The following OSBPL8 variants were observed in gnomAD, a reference collection of about 807,000 sequenced individuals.
OSBPL8 encodes the protein oxysterol-binding protein-related protein 8.
In OSBPL8, 59 loss-of-function variants were observed where a neutral mutation model predicts 125.5. The ratio of observed to expected loss-of-function variants is 0.47; its 90% CI spans 0.38 to 0.58. OSBPL8 has a LOEUF of 0.58. Ranked by LOEUF, OSBPL8 falls within the 20% of genes least tolerant of loss-of-function variation. The pLI is 0.00. For missense variants in OSBPL8, 758 were observed against 1,047.8 expected (o/e 0.72, Z 3.82); for synonymous variants, 330 against 338.9 (o/e 0.97, Z 0.29).
chr12:76,359,650 C>T (rs1404154985), intron 21 of OSBPL8, among the ~76,000 whole-genome samples: 2 of 152,174 alleles, frequency 1.3e-5, no homozygotes, highest in Non-Finnish European at 2.9e-5. Flanking sequence ...TATGGTTCCA[C>T]ATGTCTGCAG....
intron 1 of OSBPL8, among the ~76,000 whole-genome samples, chr12:76,544,823 T>C (rs565935909): frequency 6.6e-6 from 1 of 152,138 alleles, no homozygotes; most frequent in South Asian, 2.1e-4. Context: ...CTGAACATGT[T>C]ACTTAAACAC....
chr12:76,514,426 C>G (rs1194552748), intron 1 of OSBPL8, among the ~76,000 whole-genome samples: 2 of 145,516 alleles, frequency 1.4e-5, no homozygotes, highest in Non-Finnish European at 3.1e-5. Flanking sequence ...GCTGGGATTA[C>G]AAGCATGAGC....
At chr12:76,485,190 T>C (rs1349837531) in intron 2 of OSBPL8, among the ~76,000 whole-genome samples, 1 of 152,046 alleles carries the variant, frequency 6.6e-6, no homozygotes, top group Non-Finnish European at 1.5e-5. Context: ...CCCAAAGTGC[T>C]GGGATTACAG....
intron 4 of OSBPL8, among the ~76,000 whole-genome samples, chr12:76,429,482 C>T (rs1321935026): frequency 6.6e-6 from 1 of 151,802 alleles, no homozygotes; most frequent in Non-Finnish European, 1.5e-5. Flanking sequence ...ATACGAAATG[C>T]TTAGGTTTCA....
intron 22 of OSBPL8, among the ~76,000 whole-genome samples, chr12:76,357,050 T>C (rs1168952064): frequency 6.6e-6 from 1 of 152,232 alleles, no homozygotes; most frequent in Non-Finnish European, 1.5e-5. Context: ...CCCATTTGCC[T>C]ACCTCTGAAG....
At chr12:76,391,497 TA>T (rs1193756306) in intron 10 of OSBPL8, among the ~76,000 whole-genome samples, 3 of 151,496 alleles carry the variant, frequency 2.0e-5, no homozygotes, top group Non-Finnish European at 4.4e-5. Context: ...AGAAATAACA[TA>T]AAAGGTCAGG....
At chr12:76,483,025 G>C (rs186514182) in intron 2 of OSBPL8, among the ~76,000 whole-genome samples, 1 of 152,160 alleles carries the variant, frequency 6.6e-6, no homozygotes, top group Non-Finnish European at 1.5e-5. Flanking sequence ...ACTTTAGGAG[G>C]CCGAGGCAGG....
At chr12:76,512,697 A>G (rs1344617689) in intron 1 of OSBPL8, among the ~76,000 whole-genome samples, 1 of 152,186 alleles carries the variant, frequency 6.6e-6, no homozygotes, top group African/African-American at 2.4e-5. Context: ...GAATTTTAAA[A>G]TAGTTTTTTT....
intron 9 of OSBPL8, among the ~76,000 whole-genome samples, chr12:76,393,710 CAAAAAAAA>C (rs11423585): frequency 0.079 from 4,108 of 52,296 alleles, 327 homozygotes; most frequent in African/African-American, 0.26. Context: ...GACTCCGTTT[CAAAAAAAA>C]AAAAAAAAAA....
chr12:76,366,132 AT>A (rs1317149354), intron 21 of OSBPL8, among the ~76,000 whole-genome samples: 1 of 152,118 alleles, frequency 6.6e-6, no homozygotes, highest in Non-Finnish European at 1.5e-5. Flanking sequence ...CATCTCTTCT[AT>A]TTTTTAGAGT....
chr12:76,402,724 T>A lies in OSBPL8; in HGVS notation c.331A>T (p.Thr111Ser). 6.2e-7 allele frequency: 1 copy of A among 1,609,074 alleles called. No individual in the cohort carries two copies. The highest frequency in any genetic ancestry group is 8.5e-7 in the Non-Finnish European group (1 of 1,175,828). The change falls in exon 6 of 24, where the codon ACT (threonine) becomes TCT (serine). Residue 111 changes from threonine to serine, a missense_variant. Physicochemically the swap from Thr to Ser is moderately conservative, Grantham distance 58. Transcript: ENST00000261183. The stretch of plus-strand genomic sequence containing the variant: ...TCTTTTTTTGTGAGTTTGCTTGAAG[T>A]TGAACTGTCCTTCTCTGAGCCATTA... ...LYNGSEKDSSTSSKLTKKESL... is the reference protein window; with the variant it reads ...LYNGSEKDSSSSSKLTKKESL...
At chr12:76,537,587 G>C (rs1950533312) in intron 1 of OSBPL8, among the ~76,000 whole-genome samples, 1 of 152,118 alleles carries the variant, frequency 6.6e-6, no homozygotes, top group Non-Finnish European at 1.5e-5. Flanking sequence ...TGTACGATGA[G>C]AGAGATTCAC....
At chr12:76,444,994 T>C (rs529468837) in intron 4 of OSBPL8, among the ~76,000 whole-genome samples, 11 of 152,280 alleles carry the variant, frequency 7.2e-5, no homozygotes, top group Non-Finnish European at 1.5e-4. Context: ...TCATATTATT[T>C]CCCTCAGAGA....
intron 4 of OSBPL8, among the ~76,000 whole-genome samples, chr12:76,444,639 A>G (rs969132944): frequency 6.6e-6 from 1 of 152,214 alleles, no homozygotes; most frequent in East Asian, 1.9e-4. Flanking sequence ...CTTGACTACC[A>G]AAGATATGGA....
At chr12:76,532,036 C>CAAAA (rs56122052) in intron 1 of OSBPL8, among the ~76,000 whole-genome samples, 6 of 89,992 alleles carry the variant, frequency 6.7e-5, no homozygotes, top group African/African-American at 1.6e-4. Flanking sequence ...GACTCCTTCT[C>CAAAA]AAAAAAAAAA....
intron 10 of OSBPL8, among the ~76,000 whole-genome samples, chr12:76,392,309 T>C (rs1287386846): frequency 6.6e-6 from 1 of 152,214 alleles, no homozygotes; most frequent in Non-Finnish European, 1.5e-5. Context: ...TCATTCTTAA[T>C]AGAAGGGACA....
At chr12:76,416,694 T>C (rs1868715470) in intron 4 of OSBPL8, among the ~76,000 whole-genome samples, 1 of 152,078 alleles carries the variant, frequency 6.6e-6, no homozygotes, top group Non-Finnish European at 1.5e-5. Flanking sequence ...CCCCAACTTT[T>C]CTTTATTCTT....
At chr12:76,421,532 A>G (rs933486273) in intron 4 of OSBPL8, among the ~76,000 whole-genome samples, 6 of 152,090 alleles carry the variant, frequency 3.9e-5, no homozygotes, top group Non-Finnish European at 5.9e-5. Flanking sequence ...TCTCAGAAGA[A>G]CACATATACC....
intron 2 of OSBPL8, among the ~76,000 whole-genome samples, chr12:76,464,912 T>C (rs1039614075): frequency 6.6e-6 from 1 of 152,188 alleles, no homozygotes; most frequent in Non-Finnish European, 1.5e-5. Flanking sequence ...ACAAAACATC[T>C]GAAGAGTGCT....
Sources: allele counts gnomAD v4.1 joint callset (sites outside exome capture counted in the v4.1 genomes callset), GRCh38; gene constraint gnomAD v4.1.1; transcripts MANE v1.5; gene names NCBI Gene and HGNC (gene_info 2026-07-23, HGNC 2026-07-21).